AGAP1: variants seen among roughly 807,000 people sequenced by gnomAD.
AGAP1 encodes the protein ArfGAP with GTPase domain, ankyrin repeat and PH domain 1, also known as arf-GAP with GTPase, ANK repeat and PH domain-containing protein 1.
In AGAP1, 29 loss-of-function variants were observed where a neutral mutation model predicts 105.3. The observed-to-expected ratio is 0.28, with a 90% CI of 0.21 to 0.38. The LOEUF (loss-of-function observed/expected upper bound fraction) is 0.38, where lower values mean the gene tolerates loss of function less well. Ranked by LOEUF, AGAP1 falls within the 10% of genes least tolerant of loss-of-function variation. The pLI is 1.00. For missense variants in AGAP1, 998 were observed against 1,165.1 expected (o/e 0.86, Z 2.09); for synonymous variants, 509 against 485.9 (o/e 1.05, Z -0.63).
At chr2:235,920,716 A>G (rs1328045679) in intron 11 of AGAP1, among the ~76,000 whole-genome samples, 1 of 152,252 alleles carries the variant, frequency 6.6e-6, no homozygotes, top group Admixed American at 6.5e-5. Context: ...AGACACCATT[A>G]CAAGGGAAAC....
At chr2:235,531,720 G>A (rs530592544) in intron 1 of AGAP1, among the ~76,000 whole-genome samples, 4 of 150,914 alleles carry the variant, frequency 2.7e-5, no homozygotes, top group East Asian at 2.0e-4. Context: ...CAATTCTCCC[G>A]TCTCAGCCTC....
intron 13 of AGAP1, among the ~76,000 whole-genome samples, chr2:236,016,555 C>G (rs2125583640): frequency 6.6e-6 from 1 of 152,286 alleles, no homozygotes; most frequent in South Asian, 2.1e-4. Flanking sequence ...TTCCCTGAGA[C>G]TTGCTGATGG....
chr2:236,108,279 CCT>C (rs2059552961), intron 16 of AGAP1, among the ~76,000 whole-genome samples: 1 of 152,198 alleles, frequency 6.6e-6, no homozygotes, highest in South Asian at 2.1e-4. Context: ...GTTCCAGCCC[CCT>C]CTTCCATGCC....
chr2:236,065,633 A>G (rs1418218723), intron 16 of AGAP1, among the ~76,000 whole-genome samples: 1 of 152,208 alleles, frequency 6.6e-6, no homozygotes, highest in East Asian at 1.9e-4. Context: ...GCATATTTAC[A>G]ACAAAATCCT....
chr2:235,537,693 C>A (rs4663606), intron 1 of AGAP1, among the ~76,000 whole-genome samples: 131,679 of 152,250 alleles, frequency 0.86, 57,392 homozygotes, highest in East Asian at 0.99. Context: ...GTTGAGTTCC[C>A]AGTCTTGTCT....
rs774127175 is a variant in AGAP1 at position 236,096,500 on chromosome 2, C to CA, written c.2115-23680dup. 5.7e-3 allele frequency among the ~76,000 whole-genome samples: 726 copies of CA among 127,702 alleles called. 6 individuals carry two copies. Among genetic ancestry groups the CA allele is most frequent in the African/African-American group, 0.018 (622 of 35,026 alleles). The allele number at this position is 127,702 out of a possible 152,430, so 83.8% of individuals were successfully genotyped here. On this transcript the variant is annotated intron_variant, in intron 16 of 17. Coordinates refer to ENST00000304032, the MANE Select transcript of AGAP1 (RefSeq NM_001037131.3). The surrounding 1 kb of genome is among the most constrained non-coding windows in gnomAD (Gnocchi z 4.4). Reference sequence around the variant, plus strand: ...TTGGGGACAGAGTGAGCCTCCATCTCAAAAAAAAAAAAGCTTCTGGAATGT... The same window carrying CA: ...TTGGGGACAGAGTGAGCCTCCATCTCAAAAAAAAAAAAAGCTTCTGGAATGT...
Position 235,552,361 on chromosome 2 carries a change from C to T in AGAP1, c.163+57512C>T, listed in dbSNP as rs576748340. Among the ~76,000 whole-genome samples, 6 of 152,274 alleles carry T rather than the reference C, an allele frequency of 3.9e-5. No homozygotes were observed. The highest frequency in any genetic ancestry group is 2.1e-4 in the South Asian group (1 of 4,816). On this transcript the variant is annotated intron_variant, in intron 1 of 17. Transcript: ENST00000304032. This position sits in a 1 kb window ranked among gnomAD's most constrained non-coding sequence, Gnocchi z 5.9. ...CAGGTTTGGAGTGCTGCCTTGGTGT[C>T]GTTATAATGCAAGTGGGATTTCATT... is the stretch of plus-strand genomic sequence containing the variant.
At chr2:235,844,387 C>T (rs116544094) in intron 9 of AGAP1, among the ~76,000 whole-genome samples, 217 of 152,302 alleles carry the variant, frequency 1.4e-3, no homozygotes, top group African/African-American at 5.0e-3. Context: ...TCAGTGGCCT[C>T]GTGTTCCCGG....
At chr2:235,636,527 A>C (rs1947007627) in intron 1 of AGAP1, among the ~76,000 whole-genome samples, 1 of 152,120 alleles carries the variant, frequency 6.6e-6, no homozygotes, top group African/African-American at 2.4e-5. Flanking sequence ...CCAGAAACCA[A>C]GTGTTGATGT....
At chr2:235,997,558 G>A (rs571761274) in intron 13 of AGAP1, among the ~76,000 whole-genome samples, 23 of 151,310 alleles carry the variant, frequency 1.5e-4, no homozygotes, top group African/African-American at 3.9e-4. Flanking sequence ...TTCCACGCCC[G>A]CAGCATCTAC....
intron 9 of AGAP1, among the ~76,000 whole-genome samples, chr2:235,861,912 G>C (rs560522310): frequency 1.3e-5 from 2 of 152,212 alleles, no homozygotes; most frequent in Admixed American, 6.5e-5. Context: ...TGTAACATGA[G>C]TTAAAAAGTC....
At chr2:235,996,578 G>A (rs1002200577) in intron 13 of AGAP1, among the ~76,000 whole-genome samples, 5 of 152,194 alleles carry the variant, frequency 3.3e-5, no homozygotes, top group Non-Finnish European at 4.4e-5. Context: ...ATGACCTGGC[G>A]GTAGAGCCAG....
At chr2:235,818,136 T>G (rs1217190057) in intron 9 of AGAP1, among the ~76,000 whole-genome samples, 1 of 152,232 alleles carries the variant, frequency 6.6e-6, no homozygotes, top group Admixed American at 6.5e-5. Flanking sequence ...ATTATTATCG[T>G]GTGAGACTTG....
chr2:235,755,442 C>T (rs1458546215), intron 6 of AGAP1, among the ~76,000 whole-genome samples: 1 of 152,086 alleles, frequency 6.6e-6, no homozygotes, highest in Non-Finnish European at 1.5e-5. Context: ...ACGATCCCTC[C>T]CCTTCCCCTT....
At chr2:235,581,103 C>T (rs568887022) in intron 1 of AGAP1, among the ~76,000 whole-genome samples, 78 of 144,810 alleles carry the variant, frequency 5.4e-4, no homozygotes, top group Non-Finnish European at 1.0e-3. Context: ...TCGAGACTAG[C>T]CTGGCCAACA....
At chr2:235,846,876 C>T (rs1377891699) in intron 9 of AGAP1, among the ~76,000 whole-genome samples, 1 of 152,190 alleles carries the variant, frequency 6.6e-6, no homozygotes, top group Non-Finnish European at 1.5e-5. Flanking sequence ...AGTCCTCCTG[C>T]CTTGGCCTCC....
Position 235,882,674 on chromosome 2 carries a change from A to G in AGAP1, c.1051-671A>G, listed in dbSNP as rs1291185638. On this transcript the variant is annotated intron_variant, in intron 9 of 17. Transcript: ENST00000304032. The surrounding 1 kb of genome is among the most constrained non-coding windows in gnomAD (Gnocchi z 4.6). Reference sequence around the variant, plus strand: ...AGACAGGGTTTCACCAATATTGGCCATGGTTGGCCAGGCTGGCCTCAAACT... The same window carrying G: ...AGACAGGGTTTCACCAATATTGGCCGTGGTTGGCCAGGCTGGCCTCAAACT... 1.3e-5 allele frequency among the ~76,000 whole-genome samples: 2 copies of G among 152,132 alleles called. No individual in the cohort carries two copies. The highest frequency in any genetic ancestry group is 4.8e-5 in the African/African-American group (2 of 41,426).
intron 13 of AGAP1, among the ~76,000 whole-genome samples, chr2:236,015,169 T>G (rs1304299385): frequency 6.6e-6 from 1 of 152,246 alleles, no homozygotes; most frequent in Non-Finnish European, 1.5e-5. Context: ...CTCTTTTTTC[T>G]TTTCCTTTAT....
At chr2:235,859,404 C>T (rs1346243916) in intron 9 of AGAP1, among the ~76,000 whole-genome samples, 2 of 98,976 alleles carry the variant, frequency 2.0e-5, no homozygotes, top group African/African-American at 6.0e-5. Flanking sequence ...CCCCCCCCCC[C>T]CCCGCCTTTT....
Sources: allele counts gnomAD v4.1 joint callset (sites outside exome capture counted in the v4.1 genomes callset), GRCh38; gene constraint gnomAD v4.1.1; non-coding constraint Gnocchi (gnomAD v3.1); transcripts MANE v1.5; gene names NCBI Gene and HGNC (gene_info 2026-07-23, HGNC 2026-07-21).